The following GRIA1 variants were observed in gnomAD, a reference collection of about 807,000 sequenced individuals.
GRIA1 encodes glutamate ionotropic receptor AMPA type subunit 1.
In GRIA1, 31 loss-of-function variants were observed where a neutral mutation model predicts 99.2. That is an observed-to-expected ratio of 0.31 (90% confidence interval 0.23 to 0.42). GRIA1 has a LOEUF of 0.42. Ranked by LOEUF, GRIA1 falls within the 10% of genes least tolerant of loss-of-function variation. GRIA1 has a pLI of 1.00. For missense variants in GRIA1, 782 were observed against 1,157.5 expected, an observed-to-expected ratio of 0.68 and a Z score of 4.71; for synonymous variants, 438 against 432.4, an observed-to-expected ratio of 1.01 and a Z score of -0.16.
At chr5:153,571,004 G>A (rs1053430244) in intron 2 of GRIA1, among the ~76,000 whole-genome samples, 16 of 152,146 alleles carry the variant, frequency 1.1e-4, no homozygotes, top group African/African-American at 3.9e-4. Flanking sequence ...AATGCAGGAT[G>A]GAGCAGGGAA....
At chr5:153,653,030 G>A (rs1334049309) in intron 4 of GRIA1, among the ~76,000 whole-genome samples, 1 of 152,108 alleles carries the variant, frequency 6.6e-6, no homozygotes, top group Admixed American at 6.6e-5. Context: ...GGAATTAACT[G>A]CCTGTGTCTG....
intron 2 of GRIA1, among the ~76,000 whole-genome samples, chr5:153,548,887 C>A (rs929136958): frequency 3.3e-5 from 5 of 152,044 alleles, no homozygotes; most frequent in African/African-American, 9.7e-5. Context: ...ATATTATGAG[C>A]ATCTTTCATG....
rs1188692850 is a variant in GRIA1, at chr5:153,699,031, C to A, written c.1410C>A (p.Asp470Glu). ...SDGKYGARDP[D>E]TKAWNGMVGE... ...GAAAATACGGAGCCCGAGACCCTGACACGAAGGCCTGGAATGGCATGGTGG... is the reference window on the plus strand; with the variant it reads ...GAAAATACGGAGCCCGAGACCCTGAAACGAAGGCCTGGAATGGCATGGTGG... The change falls in exon 10 of 16, where the codon GAC (aspartate) becomes GAA (glutamate). Residue 470 changes from aspartate to glutamate, a missense_variant. By Grantham distance (45) the Asp-to-Glu change is conservative. This residue lies in a region of GRIA1 where 87 missense variants were observed against 184.5 expected (regional missense o/e 0.47). Coordinates refer to ENST00000285900, the MANE Select transcript of GRIA1 (RefSeq NM_000827.4). 10 of 1,613,856 alleles carry A rather than the reference C, an allele frequency of 6.2e-6. No individual in the cohort carries two copies. Among genetic ancestry groups the A allele is most frequent in the Non-Finnish European group, 8.5e-6 (10 of 1,179,934 alleles).
At chr5:153,750,218 T>A (rs1196142266) in intron 11 of GRIA1, among the ~76,000 whole-genome samples, 1 of 152,146 alleles carries the variant, frequency 6.6e-6, no homozygotes, top group African/African-American at 2.4e-5. Flanking sequence ...ATGCCCAGTA[T>A]CAAGTGAGCC....
chr5:153,756,827 G>A (rs936828866), intron 11 of GRIA1, among the ~76,000 whole-genome samples: 3 of 152,130 alleles, frequency 2.0e-5, no homozygotes, highest in African/African-American at 4.8e-5. Flanking sequence ...TTCTGGACAG[G>A]CCAACTGAAG....
chr5:153,704,376 G>A (rs1758742784), intron 10 of GRIA1, among the ~76,000 whole-genome samples: 1 of 152,204 alleles, frequency 6.6e-6, no homozygotes, highest in Admixed American at 6.5e-5. Context: ...TAGGTTTCCA[G>A]GATCTCTTGA....
At chr5:153,508,965 C>T (rs1319508085) in intron 2 of GRIA1, among the ~76,000 whole-genome samples, 1 of 152,124 alleles carries the variant, frequency 6.6e-6, no homozygotes, top group African/African-American at 2.4e-5. Context: ...CTCTCCTTTT[C>T]CAGGAGCACA....
chr5:153,569,516 T>C (rs1761928084), intron 2 of GRIA1, among the ~76,000 whole-genome samples: 1 of 152,230 alleles, frequency 6.6e-6, no homozygotes, highest in Admixed American at 6.5e-5. Flanking sequence ...GCTGAGCAGC[T>C]GTATGGGGCA....
chr5:153,561,847 G>A (rs1278397054), intron 2 of GRIA1, among the ~76,000 whole-genome samples: 1 of 152,234 alleles, frequency 6.6e-6, no homozygotes, highest in Non-Finnish European at 1.5e-5. Context: ...GTGGAGGGTA[G>A]TGTGAGGATA....
intron 11 of GRIA1, among the ~76,000 whole-genome samples, chr5:153,729,950 T>G (rs1304806936): frequency 6.6e-6 from 1 of 152,130 alleles, no homozygotes; most frequent in African/African-American, 2.4e-5. Context: ...TACACATGTA[T>G]GCAATTATTG....
At chr5:153,802,614 C>A in intron 15 of GRIA1, 124 bp downstream of exon 15, 1 of 962,150 alleles carries the variant, frequency 1.0e-6, no homozygotes, top group Non-Finnish European at 1.6e-6. Flanking sequence ...AGACAGGAAG[C>A]AGGAAGCTGT....
At chr5:153,724,434 C>T (rs1318878996) in intron 11 of GRIA1, among the ~76,000 whole-genome samples, 12 of 152,222 alleles carry the variant, frequency 7.9e-5, no homozygotes, top group Middle Eastern at 3.4e-3. Flanking sequence ...AGGCTTCAGA[C>T]GATCAAACTA....
intron 2 of GRIA1, among the ~76,000 whole-genome samples, chr5:153,523,630 A>G (rs1410948341): frequency 1.3e-5 from 2 of 152,186 alleles, no homozygotes; most frequent in Non-Finnish European, 2.9e-5. Context: ...CACCCTGTGC[A>G]GGTCAGCCAT....
intron 8 of GRIA1, among the ~76,000 whole-genome samples, chr5:153,691,074 C>T (rs1158880456): frequency 6.6e-6 from 1 of 152,154 alleles, no homozygotes; most frequent in African/African-American, 2.4e-5. Context: ...CCAATATACC[C>T]TCTAGGTACC....
At chr5:153,621,403 A>G (rs1000146075) in intron 2 of GRIA1, among the ~76,000 whole-genome samples, 5 of 152,168 alleles carry the variant, frequency 3.3e-5, no homozygotes, top group Non-Finnish European at 7.4e-5. Context: ...AGAGTTTAAG[A>G]ACAGCCTGAG....
chr5:153,758,854 A>G (rs1762997366), intron 11 of GRIA1, among the ~76,000 whole-genome samples: 1 of 151,974 alleles, frequency 6.6e-6, no homozygotes, highest in Admixed American at 6.6e-5. Context: ...CAAAACAAGT[A>G]TTAACAAATT....
At chr5:153,706,428 T>C (rs1003049828) in intron 11 of GRIA1, among the ~76,000 whole-genome samples, 3 of 152,224 alleles carry the variant, frequency 2.0e-5, no homozygotes, top group Non-Finnish European at 4.4e-5. Flanking sequence ...GTCCTGTACA[T>C]GCCTTATCTC....
At chr5:153,717,739 G>A (rs1264508271) in intron 11 of GRIA1, among the ~76,000 whole-genome samples, 1 of 152,158 alleles carries the variant, frequency 6.6e-6, no homozygotes, top group African/African-American at 2.4e-5. Flanking sequence ...TTTGTTGATT[G>A]GTGTTAAGAC....
At chr5:153,494,491 A>G (rs1754223793) in intron 2 of GRIA1, among the ~76,000 whole-genome samples, 1 of 152,232 alleles carries the variant, frequency 6.6e-6, no homozygotes, top group South Asian at 2.1e-4. Context: ...ATGTAGCTTG[A>G]TAAGAAATAA....
Sources: gnomAD v4.1 joint callset for allele counts (sites outside exome capture counted in the v4.1 genomes callset) on GRCh38, gnomAD v4.1.1 for gene constraint, gnomAD v4.1.1 regional missense constraint, MANE v1.5 for transcripts, NCBI Gene and HGNC (gene_info 2026-07-23, HGNC 2026-07-21) for gene names.